The following ADARB1 variants were observed in gnomAD, a reference collection of about 807,000 sequenced individuals.
ADARB1 encodes adenosine deaminase RNA specific B1.
Under a neutral mutation model 52.4 loss-of-function variants are expected in ADARB1, and 10 were observed. The ratio of observed to expected loss-of-function variants is 0.19; its 90% confidence interval spans 0.12 to 0.32. The LOEUF is 0.32. Among genes scored for constraint, ADARB1 ranks in the 10% least tolerant of loss-of-function variants. The pLI is 1.00. For synonymous variants in ADARB1, 349 were observed against 371.1 expected (o/e 0.94, Z 0.68); for missense variants, 643 against 922.3 (o/e 0.70, Z 3.92).
chr21:45,127,746 C>T (rs1193705836), intron 1 of ADARB1, among the ~76,000 whole-genome samples: 2 of 152,180 alleles, frequency 1.3e-5, no homozygotes, highest in Non-Finnish European at 2.9e-5. Context: ...CTTTGGAACT[C>T]TGCAATGGAG....
chr21:45,122,012 C>T (rs872768), intron 1 of ADARB1, among the ~76,000 whole-genome samples: 24,104 of 152,174 alleles, frequency 0.16, 1,995 homozygotes, highest in East Asian at 0.28. Flanking sequence ...GCTTCTTTGC[C>T]GTAGCAGCCT....
chr21:45,135,540 C>T (rs761033670), intron 2 of ADARB1, among the ~76,000 whole-genome samples: 20 of 152,208 alleles, frequency 1.3e-4, no homozygotes, highest in East Asian at 3.8e-4. Context: ...CATACAGATA[C>T]GGGGTCCTGA....
At chr21:45,186,646 A>AT (rs1455056366) in intron 8 of ADARB1, among the ~76,000 whole-genome samples, 2 of 152,318 alleles carry the variant, frequency 1.3e-5, no homozygotes, top group Non-Finnish European at 2.9e-5. Flanking sequence ...TTAACTGTTC[A>AT]TCTTACACCT....
At chr21:45,203,231 G>T (rs2146339777) in intron 8 of ADARB1, among the ~76,000 whole-genome samples, 1 of 152,264 alleles carries the variant, frequency 6.6e-6, no homozygotes, top group South Asian at 2.1e-4. Context: ...CCTTGCTGCT[G>T]TCCTGTGTCC....
chr21:45,162,379 CCACT>C (rs1410702534), intron 2 of ADARB1, among the ~76,000 whole-genome samples: 3 of 152,146 alleles, frequency 2.0e-5, no homozygotes, highest in African/African-American at 2.4e-5. Context: ...GACCCCACGC[CCACT>C]CACTCACACA....
chr21:45,094,500 G>A (rs1478670236), intron 1 of ADARB1, among the ~76,000 whole-genome samples: 1 of 152,174 alleles, frequency 6.6e-6, no homozygotes, highest in Admixed American at 6.5e-5. Context: ...ACTACCATCA[G>A]CCTCACTCAC....
Position 45,175,930 on chromosome 21 carries a change from G to A in ADARB1, c.229G>A (p.Val77Ile), listed in dbSNP as rs1343818159. Residue 77 changes from valine (V) to isoleucine (I), a missense_variant, in exon 4 of 11, where the codon GTC becomes ATC. By Grantham distance (29) the Val-to-Ile change is conservative. Around this residue, in one of 2 missense-constraint regions of ADARB1, gnomAD observed 380 missense variants for 446.5 expected, o/e 0.85. Transcript: ENST00000348831. ...LKKRRKTPGP[V>I]LPKNALMQLN... The stretch of plus-strand genomic sequence containing the variant: ...GAAAAGGAGGAAAACACCAGGGCCC[G>A]TCCTCCCCAAGAACGCCCTGATGCA... The A allele has an allele frequency of 6.2e-6, 10 of 1,609,970 alleles. No homozygotes were observed. Among genetic ancestry groups the A allele is most frequent in the Middle Eastern group, 1.7e-4 (1 of 6,040 alleles).
chr21:45,111,894 G>A (rs1027025349), intron 1 of ADARB1, among the ~76,000 whole-genome samples: 1 of 152,242 alleles, frequency 6.6e-6, no homozygotes, highest in Non-Finnish European at 1.5e-5. Flanking sequence ...CTGGCTGTGA[G>A]CACACGCACT....
In ADARB1 at chr21:45,204,468, G is replaced by A; in HGVS notation, c.1566-87G>A. The A allele has an allele frequency of 7.5e-7, 1 of 1,341,002 alleles. No homozygotes were observed. The highest frequency in any genetic ancestry group is 1.4e-5 in the South Asian group (1 of 73,258). 83.1% of individuals were successfully genotyped at this position (1,341,002 alleles called of 1,614,324 possible). ...GTTGGGATCCTGCGGAATTGCCAGT[G>A]CATCCCTGTAACCACGCAGGCTTGG... On this transcript the variant is annotated intron_variant, in intron 8 of 10. Coordinates refer to ENST00000348831, the MANE Select transcript of ADARB1 (RefSeq NM_001112.4). The surrounding 1 kb of genome is among the most constrained non-coding windows in gnomAD (Gnocchi z 4.4).
intron 1 of ADARB1, among the ~76,000 whole-genome samples, chr21:45,099,836 G>C (rs2086924313): frequency 6.6e-6 from 1 of 152,130 alleles, no homozygotes; most frequent in Non-Finnish European, 1.5e-5. Flanking sequence ...CACGTCTTGG[G>C]CTGTGGGGGC....
At chr21:45,124,138 G>A (rs954718012) in intron 1 of ADARB1, among the ~76,000 whole-genome samples, 3 of 152,036 alleles carry the variant, frequency 2.0e-5, no homozygotes, top group African/African-American at 4.8e-5. Context: ...ATGTTTGATC[G>A]CTTTAAAAAA....
In ADARB1 at chr21:45,185,054, C is replaced by T; in HGVS notation, c.1528C>T (p.Arg510Trp). 1 of 1,614,150 alleles carries T rather than the reference C, an allele frequency of 6.2e-7. No individual in the cohort carries two copies. The highest frequency in any genetic ancestry group is 8.5e-7 in the Non-Finnish European group (1 of 1,179,990). ...QTWDGVLQGE[R>W]LLTMSCSDKI... ...GTGGGACGGGGTGCTGCAAGGGGAGCGGCTGCTCACCATGTCCTGCAGTGA... is the reference window on the plus strand; with the variant it reads ...GTGGGACGGGGTGCTGCAAGGGGAGTGGCTGCTCACCATGTCCTGCAGTGA... The change falls in exon 8 of 11, where the codon CGG becomes TGG. Residue 510 changes from arginine to tryptophan, a missense_variant. Physicochemically the swap from Arg to Trp is moderately radical, Grantham distance 101 (BLOSUM62 -3). Coordinates refer to ENST00000348831, the MANE Select transcript of ADARB1 (RefSeq NM_001112.4).
chr21:45,089,494 A>G (rs2086479985), intron 1 of ADARB1, among the ~76,000 whole-genome samples: 1 of 152,004 alleles, frequency 6.6e-6, no homozygotes, highest in East Asian at 1.9e-4. Flanking sequence ...AGTCAAATTT[A>G]TCAGTTTTTT....
intron 5 of ADARB1, 137 bp from the exon 6 acceptor site, chr21:45,182,448 G>A: frequency 1.2e-6 from 1 of 860,164 alleles, no homozygotes; most frequent in Non-Finnish European, 1.7e-6. Context: ...GTAAGAATAT[G>A]CATGAAGATG....
intron 1 of ADARB1, among the ~76,000 whole-genome samples, chr21:45,124,418 G>C (rs143058931): frequency 8.1e-4 from 123 of 151,902 alleles, no homozygotes; most frequent in Non-Finnish European, 1.3e-3. Flanking sequence ...TGTCTCCCAG[G>C]CTCTAGAGTG....
At chr21:45,135,541 G>A (rs1421912116) in intron 2 of ADARB1, among the ~76,000 whole-genome samples, 1 of 152,194 alleles carries the variant, frequency 6.6e-6, no homozygotes, top group South Asian at 2.1e-4. Context: ...ATACAGATAC[G>A]GGGTCCTGAG....
chr21:45,141,193 C>CT (rs1413731426), intron 2 of ADARB1, among the ~76,000 whole-genome samples: 1 of 151,562 alleles, frequency 6.6e-6, no homozygotes, highest in Non-Finnish European at 1.5e-5. Flanking sequence ...GAGACCCTGT[C>CT]TCAAAAAAAA....
At position 45,180,342 on chromosome 21, in the gene ADARB1, G is replaced by A. The variant is rs1303618439; in HGVS notation, c.976G>A (p.Ala326Thr). 1.9e-6 allele frequency: 3 copies of A among 1,613,918 alleles called. No homozygotes were observed. Among genetic ancestry groups the A allele is most frequent in the Middle Eastern group, 1.7e-4 (1 of 6,056 alleles). ...QLHLPQVLAD[A>T]VSRLVLGKFG... is the part of the protein sequence containing the mutation. Reference sequence around the variant, plus strand: ...GCTTCCCACACAGGTTTTAGCTGACGCTGTCTCACGCCTGGTCCTGGGTAA... The same window carrying A: ...GCTTCCCACACAGGTTTTAGCTGACACTGTCTCACGCCTGGTCCTGGGTAA... Residue 326 changes from alanine (A) to threonine (T), a missense_variant, in exon 5 of 11, where the codon GCT becomes ACT. By Grantham distance (58) the Ala-to-Thr change is moderately conservative. Around this residue, in one of 2 missense-constraint regions of ADARB1, gnomAD observed 380 missense variants for 446.5 expected, o/e 0.85. Coordinates refer to ENST00000348831, the MANE Select transcript of ADARB1 (RefSeq NM_001112.4).
Position 45,157,468 on chromosome 21 carries a change from G to A in ADARB1, c.-47-14142G>A, listed in dbSNP as rs559852886. Among the ~76,000 whole-genome samples the A allele has an allele frequency of 2.6e-5, 4 of 152,112 alleles. No individual in the cohort carries two copies. Among genetic ancestry groups the A allele is most frequent in the East Asian group, 1.9e-4 (1 of 5,182 alleles). ...AGTCTTTCAAATGCATTGCTGCTGC[G>A]TTTGCACTGTGAAGGACGGAGCAAC... On this transcript the variant is annotated intron_variant, in intron 2 of 10. Coordinates refer to ENST00000348831, the MANE Select transcript of ADARB1 (RefSeq NM_001112.4). The surrounding 1 kb of genome is among the most constrained non-coding windows in gnomAD (Gnocchi z 4.1).
Sources: allele counts gnomAD v4.1 joint callset (sites outside exome capture counted in the v4.1 genomes callset), GRCh38; gene constraint gnomAD v4.1.1; regional missense constraint gnomAD v4.1.1; non-coding constraint Gnocchi (gnomAD v3.1); transcripts MANE v1.5; gene names NCBI Gene and HGNC (gene_info 2026-07-23, HGNC 2026-07-21).